The following MRPS18A variants were observed in gnomAD, a reference collection of about 807,000 sequenced individuals.
The protein encoded by MRPS18A is large ribosomal subunit protein mL66.
In MRPS18A, 20 loss-of-function variants were observed where a neutral mutation model predicts 22.7. The ratio of observed to expected loss-of-function variants is 0.88; its 90% CI spans 0.62 to 1.28. The LOEUF is 1.28. MRPS18A is among the 50% of genes most tolerant of loss of function. The pLI, the probability that MRPS18A is intolerant of heterozygous loss-of-function variation, is 0.00. For synonymous variants in MRPS18A, 106 were observed against 99.1 expected, an observed-to-expected ratio of 1.07 and a Z score of -0.41; for missense variants, 294 against 262.6, an observed-to-expected ratio of 1.12 and a Z score of -0.83.
At chr6:43,679,286 AAAG>A (rs1489085914) in intron 2 of MRPS18A, among the ~76,000 whole-genome samples, 4 of 152,214 alleles carry the variant, frequency 2.6e-5, no homozygotes, top group African/African-American at 9.6e-5. Context: ...CCCTCACAAC[AAAG>A]AATTACTCAG....
Position 43,673,057 on chromosome 6 carries a change from G to A in MRPS18A, c.447-1151C>T, listed in dbSNP as rs929779601. ...AGCTGGAGTGCAGTGGCGCGATCTC[G>A]GCTCACTGCAACTTCCGCCTCCTGG... On this transcript the variant is annotated intron_variant, in intron 5 of 5. Coordinates refer to ENST00000372133, the MANE Select transcript of MRPS18A (RefSeq NM_018135.4). This position sits in a 1 kb window ranked among gnomAD's most constrained non-coding sequence, Gnocchi z 4.2. Among the ~76,000 whole-genome samples the A allele has an allele frequency of 2.0e-5, 3 of 148,942 alleles. No individual in the cohort carries two copies. The highest frequency in any genetic ancestry group is 6.8e-5 in the Admixed American group (1 of 14,666).
In MRPS18A at chr6:43,673,782, A is replaced by C. The variant is rs1032072341; in HGVS notation, c.446+1420T>G. Reference sequence around the variant, plus strand: ...GCAGCATTAAACGAGACTCCCCTGCAAGGGAATCCATTTCCTTCGTAGCCT... The same window carrying C: ...GCAGCATTAAACGAGACTCCCCTGCCAGGGAATCCATTTCCTTCGTAGCCT... On this transcript the variant is annotated intron_variant, in intron 5 of 5. Transcript: ENST00000372133. The surrounding 1 kb of genome is among the most constrained non-coding windows in gnomAD (Gnocchi z 4.2). Among the ~76,000 whole-genome samples, 1 of 152,222 alleles carries C rather than the reference A, an allele frequency of 6.6e-6. No homozygotes were observed.
chr6:43,678,568 C>T lies in MRPS18A; in HGVS notation c.202G>A (p.Gly68Ser). ...TTCCAACGGCAGATGGGGCACTGGCCAGAGGGGTTAGGAGGATTTGGACTC... is the reference window on the plus strand; with the variant it reads ...TTCCAACGGCAGATGGGGCACTGGCTAGAGGGGTTAGGAGGATTTGGACTC... ...KESPNPPNPSGQCPICRWNLK... is the reference protein window; with the variant it reads ...KESPNPPNPSSQCPICRWNLK... Residue 68 changes from glycine (G) to serine (S), a missense_variant, in exon 3 of 6, where the codon GGC becomes AGC. Coordinates refer to ENST00000372133, the MANE Select transcript of MRPS18A (RefSeq NM_018135.4). 1 of 1,613,970 alleles carries T rather than the reference C, an allele frequency of 6.2e-7. No homozygotes were observed. The highest frequency in any genetic ancestry group is 8.5e-7 in the Non-Finnish European group (1 of 1,179,906).
intron 5 of MRPS18A, 114 bp from the exon 6 acceptor site, chr6:43,672,020 A>G: frequency 8.0e-7 from 1 of 1,245,030 alleles, no homozygotes; most frequent in Non-Finnish European, 1.1e-6. Context: ...AAATCCTTTC[A>G]CCAGTTTCCC....
Position 43,673,707 on chromosome 6 carries a change from A to G in MRPS18A, c.446+1495T>C, listed in dbSNP as rs1437384956. On this transcript the variant is annotated intron_variant, in intron 5 of 5. Coordinates refer to ENST00000372133, the MANE Select transcript of MRPS18A (RefSeq NM_018135.4). The surrounding 1 kb of genome is among the most constrained non-coding windows in gnomAD (Gnocchi z 4.2). ...GCAGCAGGAGGAGCGACACAGCAGC[A>G]GACAAAGCATGGCTCCGCCAGGCCC... 6.6e-6 allele frequency among the ~76,000 whole-genome samples: 1 copy of G among 152,214 alleles called. No individual in the cohort carries two copies. Among genetic ancestry groups the G allele is most frequent in the African/African-American group, 2.4e-5 (1 of 41,460 alleles).
rs535062616 is a variant in MRPS18A, at chr6:43,687,266, G to C, written c.112+402C>G. ...CACAGCATTTTGAGAAGGGAAAGTG[G>C]AAAGGGAGGCTCTGGGAGGGTACCC... On this transcript the variant is annotated intron_variant, in intron 1 of 5. Coordinates refer to ENST00000372133, the MANE Select transcript of MRPS18A (RefSeq NM_018135.4). 1.0e-3 allele frequency among the ~76,000 whole-genome samples: 158 copies of C among 152,324 alleles called. 1 individual carries two copies. Among genetic ancestry groups the C allele is most frequent in the African/African-American group, 3.7e-3 (152 of 41,584 alleles).
chr6:43,684,801 T>G (rs1223288310), intron 1 of MRPS18A, among the ~76,000 whole-genome samples: 4 of 152,234 alleles, frequency 2.6e-5, no homozygotes, highest in African/African-American at 9.6e-5. Flanking sequence ...TTTACTCACT[T>G]CAATATACCT....
intron 2 of MRPS18A, among the ~76,000 whole-genome samples, chr6:43,679,976 A>C (rs1214307379): frequency 1.3e-5 from 2 of 152,094 alleles, no homozygotes; most frequent in Non-Finnish European, 2.9e-5. Flanking sequence ...TAGGTGTCTG[A>C]TCTTATTTCA....
At chr6:43,687,506 C>T (rs1257708153) in intron 1 of MRPS18A, among the ~76,000 whole-genome samples, 162 bp downstream of exon 1, 1 of 152,184 alleles carries the variant, frequency 6.6e-6, no homozygotes, top group Non-Finnish European at 1.5e-5. Flanking sequence ...CAAGATAAGG[C>T]ACCAGGGTGT....
chr6:43,673,126 T>C lies in MRPS18A; in HGVS notation c.447-1220A>G, dbSNP rs1396198670. 1.3e-5 allele frequency among the ~76,000 whole-genome samples: 2 copies of C among 151,860 alleles called. No individual in the cohort carries two copies. The highest frequency in any genetic ancestry group is 1.3e-4 in the Admixed American group (2 of 15,228). On this transcript the variant is annotated intron_variant, in intron 5 of 5. Coordinates refer to ENST00000372133, the MANE Select transcript of MRPS18A (RefSeq NM_018135.4). The surrounding 1 kb of genome is among the most constrained non-coding windows in gnomAD (Gnocchi z 4.2). ...CCTCAGCCTCTGGAGTAGCTTGGAT[T>C]ACAGGCACCCGCCACAATGCATGGC...
chr6:43,680,803 T>C (rs965779106), intron 2 of MRPS18A, among the ~76,000 whole-genome samples: 7 of 152,228 alleles, frequency 4.6e-5, no homozygotes, highest in African/African-American at 1.7e-4. Context: ...GGGAAAATGA[T>C]TCAACACCCG....
At chr6:43,682,318 A>G (rs1315109645) in intron 1 of MRPS18A, among the ~76,000 whole-genome samples, 2 of 152,132 alleles carry the variant, frequency 1.3e-5, no homozygotes, top group Non-Finnish European at 1.5e-5. Context: ...AACAAACACC[A>G]ATAAAAAGAG....
intron 5 of MRPS18A, 102 bp downstream of exon 5, chr6:43,675,100 G>T: frequency 9.8e-7 from 1 of 1,023,130 alleles, no homozygotes; most frequent in Non-Finnish European, 1.4e-6. Context: ...GACTGATGGG[G>T]GTGGATGCTT....
rs1353857846 is a variant in MRPS18A, at chr6:43,671,240, C to G, written c.*522G>C. 1 of 536,616 alleles carries G rather than the reference C, an allele frequency of 1.9e-6. No homozygotes were observed. Among genetic ancestry groups the G allele is most frequent in the Non-Finnish European group, 3.3e-6 (1 of 299,014 alleles). The allele number at this position is 536,616 out of a possible 1,614,324, so 33.2% of individuals were successfully genotyped here. On this transcript the variant is annotated 3_prime_UTR_variant, in exon 6 of 6. Coordinates refer to ENST00000372133, the MANE Select transcript of MRPS18A (RefSeq NM_018135.4). ...GTTTCTTGGATTCACACGAGAGCGG[C>G]AAGTGTGTCAGGCAGCCCACCTTGG...
At chr6:43,672,332 C>T (rs540036314) in intron 5 of MRPS18A, 22 of 465,126 alleles carry the variant, frequency 4.7e-5, no homozygotes, top group Non-Finnish European at 9.9e-5. Context: ...CCCCAACCTT[C>T]AGGGAACTCC....
Position 43,671,700 on chromosome 6 carries a change from G to A in MRPS18A, c.*62C>T. On this transcript the variant is annotated 3_prime_UTR_variant, in exon 6 of 6. Transcript: ENST00000372133. ...GGAGTATAGTTGTGGCCAAGGGCTTGTGAGTGGGCCTCCTACTCCCCAGCA... is the reference window on the plus strand; with the variant it reads ...GGAGTATAGTTGTGGCCAAGGGCTTATGAGTGGGCCTCCTACTCCCCAGCA... 4.4e-6 allele frequency: 7 copies of A among 1,598,982 alleles called. No individual in the cohort carries two copies. The highest frequency in any genetic ancestry group is 4.3e-6 in the Non-Finnish European group (5 of 1,167,554).
At chr6:43,678,433 C>T in intron 3 of MRPS18A, 85 bp downstream of exon 3, 1 of 1,005,578 alleles carries the variant, frequency 9.9e-7, no homozygotes, top group Non-Finnish European at 1.6e-6. Context: ...GCAGTAGCTA[C>T]AGCGGGGACA....
rs928269833 is a variant in MRPS18A at position 43,687,657 on chromosome 6, G to C, written c.112+11C>G. 1 of 1,100,036 alleles carries C rather than the reference G, an allele frequency of 9.1e-7. No individual in the cohort carries two copies. Among genetic ancestry groups the C allele is most frequent in the Middle Eastern group, 2.2e-4 (1 of 4,616 alleles). 68.1% of individuals were successfully genotyped at this position (1,100,036 alleles called of 1,614,324 possible). ...CTTAATTTCAGGAGGTTGCTGGGACGCATGACTCACCTTCCCTGAACCCGC... is the reference window on the plus strand; with the variant it reads ...CTTAATTTCAGGAGGTTGCTGGGACCCATGACTCACCTTCCCTGAACCCGC... On this transcript the variant is annotated intron_variant, in intron 1 of 5. Transcript: ENST00000372133.
chr6:43,681,245 C>G, intron 1 of MRPS18A, 125 bp from the exon 2 acceptor site: 1 of 965,426 alleles, frequency 1.0e-6, no homozygotes, highest in Non-Finnish European at 1.6e-6. Context: ...CTCATGGTCT[C>G]CACCTAGAAC....
Sources: allele counts gnomAD v4.1 joint callset (sites outside exome capture counted in the v4.1 genomes callset), GRCh38; gene constraint gnomAD v4.1.1; non-coding constraint Gnocchi (gnomAD v3.1); transcripts MANE v1.5; gene names NCBI Gene and HGNC (gene_info 2026-07-23, HGNC 2026-07-21).